TTYH3: variants seen among roughly 807,000 people sequenced by gnomAD.
The protein encoded by TTYH3 is tweety family member 3.
A neutral mutation model predicts 68.2 loss-of-function variants in TTYH3; 23 were observed. The observed-to-expected ratio is 0.34, with a 90% CI of 0.24 to 0.48. The LOEUF is 0.48. Ranked by LOEUF, TTYH3 falls within the 20% of genes least tolerant of loss-of-function variation. TTYH3 has a pLI of 0.99. For missense variants in TTYH3, 768 were observed against 727.7 expected, an observed-to-expected ratio of 1.06 and a Z score of -0.64; for synonymous variants, 360 against 332.8, an observed-to-expected ratio of 1.08 and a Z score of -0.89.
chr7:2,635,106 G>T (rs1419043380), intron 1 of TTYH3, among the ~76,000 whole-genome samples: 1 of 152,208 alleles, frequency 6.6e-6, no homozygotes, highest in Non-Finnish European at 1.5e-5. Context: ...GTTGTTCACA[G>T]GAGGGATTTG....
chr7:2,658,502 TGCG>T, intron 12 of TTYH3, 43 bp downstream of exon 12: 1 of 1,573,190 alleles, frequency 6.4e-7, no homozygotes, highest in Non-Finnish European at 8.7e-7. Context: ...ACACGTCAGC[TGCG>T]GCTGAGAGCG....
chr7:2,643,303 T>A (rs1417811752), intron 1 of TTYH3, among the ~76,000 whole-genome samples: 1 of 141,680 alleles, frequency 7.1e-6, no homozygotes. Flanking sequence ...TGCAGTGAGC[T>A]GAGATGGCGC....
chr7:2,662,996 T>G lies in TTYH3; in HGVS notation c.*1257T>G, dbSNP rs1471908524. On this transcript the variant is annotated 3_prime_UTR_variant, in exon 14 of 14. Coordinates refer to ENST00000258796, the MANE Select transcript of TTYH3 (RefSeq NM_025250.3). ...GCTTTGGACTGAGGTCCCTGTGGCC[T>G]CGGTCTCCTCCCCATGAAGTGGGAG... 6.6e-6 allele frequency: 1 copy of G among 152,386 alleles called. No individual in the cohort carries two copies. The highest frequency in any genetic ancestry group is 1.9e-4 in the East Asian group (1 of 5,172). The allele number at this position is 152,386 out of a possible 1,614,324, so 9.4% of individuals were successfully genotyped here.
intron 4 of TTYH3, 114 bp downstream of exon 4, chr7:2,647,752 A>T: frequency 1.6e-6 from 2 of 1,234,958 alleles, no homozygotes; most frequent in Non-Finnish European, 1.1e-6. Flanking sequence ...GGTGTGGCCC[A>T]GGGCCACTGG....
At chr7:2,643,733 T>C (rs985575816) in intron 1 of TTYH3, among the ~76,000 whole-genome samples, 1 of 152,242 alleles carries the variant, frequency 6.6e-6, no homozygotes, top group African/African-American at 2.4e-5. Flanking sequence ...GGAAGTGATC[T>C]GGACCTGGAA....
At chr7:2,650,547 C>T (rs1786145972) in intron 7 of TTYH3, among the ~76,000 whole-genome samples, 1 of 151,952 alleles carries the variant, frequency 6.6e-6, no homozygotes, top group Non-Finnish European at 1.5e-5. Context: ...CACTGCATTC[C>T]AGCCTGGGCA....
intron 13 of TTYH3, chr7:2,660,003 GC>G (rs774916065): frequency 5.4e-6 from 7 of 1,304,002 alleles, no homozygotes; most frequent in Non-Finnish European, 7.1e-6. Flanking sequence ...CATGGACAGT[GC>G]CCGAACGCTG....
In TTYH3 at chr7:2,656,200, T is replaced by G; in HGVS notation, c.1113+16T>G. The G allele has an allele frequency of 6.4e-7, 1 of 1,561,026 alleles. No individual in the cohort carries two copies. The highest frequency in any genetic ancestry group is 8.7e-7 in the Non-Finnish European group (1 of 1,152,342). On this transcript the variant is annotated intron_variant, in intron 10 of 13. Transcript: ENST00000258796. ...CCTGCATCTGGTGAGAGGCAGGGCC[T>G]GGGACAGGGCCATGGCAGCTTGTAG...
chr7:2,660,187 G>A (rs1786457328), intron 13 of TTYH3: 5 of 1,151,424 alleles, frequency 4.3e-6, no homozygotes, highest in Non-Finnish European at 5.5e-6. Context: ...TGAGTGCCAC[G>A]GCTCAGCCAG....
At chr7:2,632,537 C>T (rs998330736) in intron 1 of TTYH3, among the ~76,000 whole-genome samples, 16 of 152,156 alleles carry the variant, frequency 1.1e-4, no homozygotes, top group African/African-American at 3.9e-4. Flanking sequence ...GGGTCCACGG[C>T]CCCCCTCCCG....
chr7:2,632,407 C>G, intron 1 of TTYH3, 129 bp downstream of exon 1: 1 of 974,062 alleles, frequency 1.0e-6, no homozygotes, highest in Non-Finnish European at 1.4e-6. Context: ...TCACGGCCAC[C>G]TCCTCCTCGC....
intron 1 of TTYH3, among the ~76,000 whole-genome samples, chr7:2,642,318 A>G (rs992490377): frequency 1.3e-5 from 2 of 151,950 alleles, no homozygotes; most frequent in African/African-American, 4.8e-5. Context: ...GAGATGGCAG[A>G]TCACCTAAGG....
At chr7:2,655,442 G>A (rs772838532) in intron 9 of TTYH3, among the ~76,000 whole-genome samples, 2 of 152,162 alleles carry the variant, frequency 1.3e-5, no homozygotes, top group African/African-American at 2.4e-5. Flanking sequence ...CACCGCTCCC[G>A]GCCCCAAAAT....
In TTYH3 at chr7:2,661,870, G is replaced by GCATGCCCTCCTGTCCC; in HGVS notation, c.*132_*133insATGCCCTCCTGTCCCC. The stretch of plus-strand genomic sequence containing the variant: ...CCTGCCCCAGACGCGTCTGCAGGCC[G>GCATGCCCTCCTGTCCC]CTTGCCCTCCTGTCCCCTCCCCGCA... On this transcript the variant is annotated 3_prime_UTR_variant, in exon 14 of 14. Transcript: ENST00000258796. 4.0e-6 allele frequency: 4 copies of GCATGCCCTCCTGTCCC among 1,007,232 alleles called. No homozygotes were observed. The highest frequency in any genetic ancestry group is 4.4e-6 in the Non-Finnish European group (3 of 677,782). 62.4% of individuals were successfully genotyped at this position (1,007,232 alleles called of 1,614,324 possible). A position where few individuals can be genotyped will look rare whatever the true frequency, so the allele number is the denominator to read the frequency against.
intron 1 of TTYH3, among the ~76,000 whole-genome samples, chr7:2,641,269 A>T (rs907831338): frequency 1.3e-5 from 2 of 151,158 alleles, no homozygotes; most frequent in African/African-American, 4.9e-5. Flanking sequence ...GGGTGTTTCC[A>T]GAGTTGGTGG....
In TTYH3 at chr7:2,632,272, C is replaced by T. The variant is rs1283171518; in HGVS notation, c.117C>T (p.Tyr39=). ...SSQFRPEDTD[Y]QQALLLLGAA... ...AGTTCCGGCCCGAGGACACCGACTA[C>T]CAGCAGGTGACATGGGCCTCTCGGG... The change falls in exon 1 of 14, where the codon TAC becomes TAT. Residue 39 remains tyrosine (Y), a synonymous_variant. Coordinates refer to ENST00000258796, the MANE Select transcript of TTYH3 (RefSeq NM_025250.3). 2 of 1,581,028 alleles carry T rather than the reference C, an allele frequency of 1.3e-6. No individual in the cohort carries two copies. Among genetic ancestry groups the T allele is most frequent in the African/African-American group, 1.3e-5 (1 of 74,244 alleles).
chr7:2,632,152 C>A lies in TTYH3; in HGVS notation c.-4C>A. The A allele has an allele frequency of 7.0e-7, 1 of 1,434,044 alleles. No individual in the cohort carries two copies. Among genetic ancestry groups the A allele is most frequent in the Non-Finnish European group, 9.2e-7 (1 of 1,082,320 alleles). 88.8% of individuals were successfully genotyped at this position (1,434,044 alleles called of 1,614,324 possible). On this transcript the variant is annotated 5_prime_UTR_variant, in exon 1 of 14. Transcript: ENST00000258796. Reference sequence around the variant, plus strand: ...CGCGCATCCGGAGGCGGCCGGGCCCCGCCATGGCCGGGGTCAGCTACGCGG... The same window carrying A: ...CGCGCATCCGGAGGCGGCCGGGCCCAGCCATGGCCGGGGTCAGCTACGCGG...
intron 1 of TTYH3, 73 bp downstream of exon 1, chr7:2,632,351 C>T (rs1785545270): frequency 7.2e-7 from 1 of 1,379,480 alleles, no homozygotes; most frequent in South Asian, 1.5e-5. Context: ...AGGGTCACGG[C>T]CCCCATCCCC....
chr7:2,646,223 C>G (rs974777823), intron 1 of TTYH3, among the ~76,000 whole-genome samples: 16 of 152,208 alleles, frequency 1.1e-4, no homozygotes, highest in Non-Finnish European at 1.6e-4. Flanking sequence ...CCACGTTGGC[C>G]AGGCTGGTCT....
Sources: gnomAD v4.1 joint callset for allele counts (sites outside exome capture counted in the v4.1 genomes callset) on GRCh38, gnomAD v4.1.1 for gene constraint, MANE v1.5 for transcripts, NCBI Gene and HGNC (gene_info 2026-07-23, HGNC 2026-07-21) for gene names.